The following SRP54 variants were observed in gnomAD, a reference collection of about 807,000 sequenced individuals.
SRP54 encodes signal recognition particle 54, also known as signal recognition particle subunit SRP54.
SRP54 carries 10 observed loss-of-function variants against 64.8 expected under a neutral mutation model. The observed-to-expected ratio is 0.15, with a 90% confidence interval of 0.10 to 0.26. SRP54 has a LOEUF of 0.26. SRP54 is among the 10% of genes least tolerant of loss of function. SRP54 has a pLI of 1.00. For synonymous variants in SRP54, 193 were observed against 185.6 expected, an observed-to-expected ratio of 1.04 and a Z score of -0.32; for missense variants, 325 against 613.7, an observed-to-expected ratio of 0.53 and a Z score of 4.97.
chr14:35,015,751 T>C (rs1031108445), intron 11 of SRP54, among the ~76,000 whole-genome samples: 1 of 152,244 alleles, frequency 6.6e-6, no homozygotes, highest in East Asian at 1.9e-4. Flanking sequence ...GTAGCAACTA[T>C]TCTGCCTCTT....
intron 1 of SRP54, among the ~76,000 whole-genome samples, chr14:34,994,462 T>C (rs1220244680): frequency 6.6e-6 from 1 of 152,200 alleles, no homozygotes; most frequent in Non-Finnish European, 1.5e-5. Context: ...AAAATTGATA[T>C]TCCCCAGACC....
Position 35,018,727 on chromosome 14 carries a change from C to T in SRP54, c.1009C>T (p.Gln337Ter). 1 of 1,613,580 alleles carries T rather than the reference C, an allele frequency of 6.2e-7. No homozygotes were observed. The highest frequency in any genetic ancestry group is 2.2e-5 in the East Asian group (1 of 44,798). The change falls in exon 12 of 16, where the codon CAA becomes TAA. Residue 337 changes from glutamine (Q) to a stop codon, truncating the protein, a stop_gained. Transcript: ENST00000216774. LOFTEE classifies it high-confidence loss of function. ...GTTGCGAGACATGTATGAGCAATTT[C>T]AAAATATCATGAAAATGGGCCCCTT... ...FTLRDMYEQF[Q>*]NIMKMGPFSQ...
At chr14:35,011,781 T>G (rs912943624) in intron 8 of SRP54, 122 bp downstream of exon 8, 3 of 934,768 alleles carry the variant, frequency 3.2e-6, no homozygotes, top group Non-Finnish European at 4.4e-6. Context: ...CAGTAATTTA[T>G]TTTTGTTTTG....
chr14:35,028,897 G>A (rs946697942), intron 15 of SRP54, among the ~76,000 whole-genome samples, 164 bp from the exon 16 acceptor site: 1 of 152,160 alleles, frequency 6.6e-6, no homozygotes, highest in African/African-American at 2.4e-5. Context: ...AAGATAACTG[G>A]TGATAATACA....
At chr14:34,991,733 T>TG (rs1294166461) in intron 1 of SRP54, among the ~76,000 whole-genome samples, 1 of 113,956 alleles carries the variant, frequency 8.8e-6, no homozygotes, top group Admixed American at 9.4e-5. Flanking sequence ...GTGTTGGGGG[T>TG]GGGGGGTGGA....
intron 7 of SRP54, 52 bp downstream of exon 7, chr14:35,008,883 G>GTTTT: frequency 1.2e-6 from 1 of 847,356 alleles, no homozygotes; most frequent in Non-Finnish European, 1.7e-6. Flanking sequence ...TTGTCTGTCA[G>GTTTT]CTTTTTTTTT....
chr14:35,008,528 T>C, intron 5 of SRP54, 99 bp from the exon 6 acceptor site: 1 of 745,964 alleles, frequency 1.3e-6, no homozygotes, highest in Non-Finnish European at 1.9e-6. Flanking sequence ...AGCAGTTTTA[T>C]TTTACTCCTT....
chr14:35,018,820 A>G, intron 12 of SRP54, 55 bp downstream of exon 12: 1 of 1,523,772 alleles, frequency 6.6e-7, no homozygotes. Context: ...ATTTTCTAAA[A>G]TAGATACACT....
At chr14:34,992,288 A>G (rs1280137159) in intron 1 of SRP54, among the ~76,000 whole-genome samples, 1 of 151,932 alleles carries the variant, frequency 6.6e-6, no homozygotes, top group African/African-American at 2.4e-5. Context: ...ATATAATAAA[A>G]TATATTTTTT....
intron 11 of SRP54, among the ~76,000 whole-genome samples, chr14:35,017,883 G>C (rs1434304532): frequency 1.3e-5 from 2 of 152,140 alleles, no homozygotes; most frequent in Non-Finnish European, 2.9e-5. Context: ...TGCTTTAGGA[G>C]GCCAAGGTGG....
Position 35,007,671 on chromosome 14 carries a change from T to G in SRP54, c.360+284T>G, listed in dbSNP as rs993681871. On this transcript the variant is annotated intron_variant, in intron 5 of 15. Coordinates refer to ENST00000216774, the MANE Select transcript of SRP54 (RefSeq NM_003136.4). ...AAAATATATTTACATAAAATAGATTTTATTAAAATATATTTACATAAAATA... is the reference window on the plus strand; with the variant it reads ...AAAATATATTTACATAAAATAGATTGTATTAAAATATATTTACATAAAATA... Among the ~76,000 whole-genome samples, 478 of 85,216 alleles carry G rather than the reference T, an allele frequency of 5.6e-3. 3 individuals carry two copies. The highest frequency in any genetic ancestry group is 0.017 in the African/African-American group (462 of 26,748). 55.9% of individuals were successfully genotyped at this position (85,216 alleles called of 152,430 possible). A position where few individuals can be genotyped will look rare whatever the true frequency, so the allele number is the denominator to read the frequency against.
At chr14:34,993,802 TCAC>T (rs1340189282) in intron 1 of SRP54, among the ~76,000 whole-genome samples, 2 of 152,086 alleles carry the variant, frequency 1.3e-5, no homozygotes, top group Non-Finnish European at 2.9e-5. Flanking sequence ...TTCAAGCGAT[TCAC>T]CTGTCTCAGC....
intron 7 of SRP54, among the ~76,000 whole-genome samples, chr14:35,010,312 G>C (rs1172357438): frequency 6.6e-6 from 1 of 151,588 alleles, no homozygotes; most frequent in Admixed American, 6.6e-5. Context: ...TGGACGTGGT[G>C]GCGTGTGCCT....
intron 11 of SRP54, 79 bp downstream of exon 11, chr14:35,014,909 G>A: frequency 9.8e-7 from 1 of 1,024,528 alleles, no homozygotes; most frequent in East Asian, 2.5e-5. Flanking sequence ...TAAGTTATTT[G>A]AAATGTAATA....
intron 8 of SRP54, among the ~76,000 whole-genome samples, chr14:35,011,985 A>G (rs1371830929): frequency 1.3e-5 from 2 of 152,130 alleles, no homozygotes; most frequent in African/African-American, 4.8e-5. Context: ...TTGGGAGGCC[A>G]GGGCGGATGG....
intron 1 of SRP54, among the ~76,000 whole-genome samples, chr14:34,994,932 CTTTTTTTTTTTTTTT>C (rs59058538): frequency 3.6e-5 from 3 of 84,476 alleles, no homozygotes; most frequent in African/African-American, 9.6e-5. Context: ...TGCCTGGCTA[CTTTTTTTTTTTTTTT>C]TTTTTTTTTT....
At chr14:34,988,578 A>AAAAAAAAAAAAAAATATAT (rs1384552218) in intron 1 of SRP54, among the ~76,000 whole-genome samples, 1 of 47,100 alleles carries the variant, frequency 2.1e-5, no homozygotes, top group African/African-American at 6.7e-5. Flanking sequence ...AAAAAAAAAA[A>AAAAAAAAAAAAAAATATAT]ATATATATAT....
intron 11 of SRP54, among the ~76,000 whole-genome samples, chr14:35,018,060 G>A (rs554167826): frequency 5.3e-5 from 8 of 152,274 alleles, no homozygotes; most frequent in Middle Eastern, 3.4e-3. Context: ...TGTGATGACT[G>A]TACCACTTCA....
intron 7 of SRP54, among the ~76,000 whole-genome samples, chr14:35,010,091 T>C (rs1199010120): frequency 7.9e-5 from 12 of 151,494 alleles, no homozygotes; most frequent in Admixed American, 2.6e-4. Context: ...AAGGTTGCAT[T>C]GAGCCGAGAT....
Sources: gnomAD v4.1 joint callset for allele counts (sites outside exome capture counted in the v4.1 genomes callset) on GRCh38, gnomAD v4.1.1 for gene constraint, MANE v1.5 for transcripts, NCBI Gene and HGNC (gene_info 2026-07-23, HGNC 2026-07-21) for gene names.